Variants in KIAA0586 observed in about 807,000 individuals in gnomAD.
KIAA0586 encodes protein TALPID3.
In KIAA0586, 144 loss-of-function variants were observed where a neutral mutation model predicts 169.8. The ratio of observed to expected loss-of-function variants is 0.85; its 90% CI spans 0.74 to 0.97. KIAA0586 has a LOEUF of 0.97. Among genes scored for constraint, KIAA0586 ranks in the 50% least tolerant of loss-of-function variants. The probability of loss-of-function intolerance (pLI) is 0.00; values close to 1 mark genes in which losing one functional copy is unlikely to be tolerated. For missense variants in KIAA0586, 1,854 were observed against 1,823.0 expected (o/e 1.02, Z -0.31); for synonymous variants, 625 against 612.4 (o/e 1.02, Z -0.30).
intron 20 of KIAA0586, among the ~76,000 whole-genome samples, chr14:58,482,167 C>T (rs1461410017): frequency 1.3e-5 from 2 of 151,780 alleles, no homozygotes; most frequent in Admixed American, 6.6e-5. Context: ...GGCTGTCGCC[C>T]GTAATACCAG....
chr14:58,533,672 C>T (rs1165742055), intron 29 of KIAA0586, among the ~76,000 whole-genome samples: 1 of 152,190 alleles, frequency 6.6e-6, no homozygotes, highest in East Asian at 1.9e-4. Flanking sequence ...TATCAAAGCA[C>T]TGCTGCGATG....
At chr14:58,556,432 A>T in the KIAA0586 span, among the ~76,000 whole-genome samples, 8 of 152,244 alleles carry the variant, frequency 5.3e-5, no homozygotes, top group African/African-American at 1.9e-4. Context: ...TATAATTTAT[A>T]TAGTGAAGTA....
At chr14:58,479,541 T>G (rs564126541) in intron 20 of KIAA0586, among the ~76,000 whole-genome samples, 1 of 152,272 alleles carries the variant, frequency 6.6e-6, no homozygotes, top group African/African-American at 2.4e-5. Context: ...ATTTATCAGG[T>G]TTTTTCTAGT....
intron 29 of KIAA0586, chr14:58,539,797 T>G (rs1033876589): frequency 3.9e-6 from 1 of 258,890 alleles, no homozygotes; most frequent in African/African-American, 2.2e-5. Context: ...TGATACAAAT[T>G]TCAGATTTTC....
rs371365932 is a variant in KIAA0586, at chr14:58,450,701, A to C, written c.1084A>C (p.Asn362His). 5 of 1,609,168 alleles carry C rather than the reference A, an allele frequency of 3.1e-6. No individual in the cohort carries two copies. Among genetic ancestry groups the C allele is most frequent in the Non-Finnish European group, 4.3e-6 (5 of 1,175,746 alleles). The change falls in exon 8 of 31, where the codon AAT becomes CAT. Residue 362 changes from asparagine to histidine, a missense_variant. Transcript: ENST00000652326. ...GGATGATGAACTATCAAAGAGGGAA[A>C]ATCTTTTGGAAGAAAAAGAAAATAT... Reference protein sequence around the residue: ...SRDDELSKRENLLEEKENMEV... With the variant: ...SRDDELSKREHLLEEKENMEV...
chr14:58,508,914 A>G (rs2044192926), intron 28 of KIAA0586, among the ~76,000 whole-genome samples: 2 of 152,126 alleles, frequency 1.3e-5, no homozygotes, highest in Admixed American at 1.3e-4. Context: ...TTTAAGCCTT[A>G]ATTCCCTATC....
intron 26 of KIAA0586, among the ~76,000 whole-genome samples, chr14:58,494,162 T>C (rs1284398408): frequency 2.0e-5 from 3 of 151,908 alleles, no homozygotes; most frequent in Non-Finnish European, 4.4e-5. Context: ...TTCCAGATAT[T>C]GACACTTCTA....
intron 21 of KIAA0586, among the ~76,000 whole-genome samples, chr14:58,483,453 A>C (rs560406250): frequency 6.6e-6 from 1 of 152,186 alleles, no homozygotes; most frequent in African/African-American, 2.4e-5. Context: ...GCTTTCTTAC[A>C]TAACCAGAAT....
intron 1 of KIAA0586, among the ~76,000 whole-genome samples, chr14:58,428,814 C>G (rs1368824293): frequency 3.3e-5 from 5 of 151,872 alleles, no homozygotes; most frequent in African/African-American, 1.2e-4. Flanking sequence ...ACCTAATTCA[C>G]TACTTTCTTT....
rs913398452 is a variant in KIAA0586, at chr14:58,448,330, T to C, written c.808-10T>C. ...ATTTGAAAATAATAAAATAATCTTA[T>C]TTCTTCTAGACTCATTTTATTAGTG... On this transcript the variant is annotated splice_polypyrimidine_tract_variant and intron_variant, in intron 6 of 30. Transcript: ENST00000652326. 1.3e-6 allele frequency: 2 copies of C among 1,494,970 alleles called. No homozygotes were observed. The highest frequency in any genetic ancestry group is 1.8e-6 in the Non-Finnish European group (2 of 1,096,216). The allele number at this position is 1,494,970 out of a possible 1,614,324, so 92.6% of individuals were successfully genotyped here.
chr14:58,531,614 A>C (rs2045973245), intron 29 of KIAA0586, among the ~76,000 whole-genome samples: 1 of 152,218 alleles, frequency 6.6e-6, no homozygotes, highest in Non-Finnish European at 1.5e-5. Context: ...CCATTGTAGA[A>C]GACATTGTGG....
At chr14:58,538,251 A>G (rs1457395319) in intron 29 of KIAA0586, among the ~76,000 whole-genome samples, 2 of 152,186 alleles carry the variant, frequency 1.3e-5, no homozygotes, top group Admixed American at 1.3e-4. Flanking sequence ...ATTTGTCCAC[A>G]CTCTTGTCCT....
chr14:58,443,497 A>G (rs971623740), intron 5 of KIAA0586, among the ~76,000 whole-genome samples: 2 of 152,208 alleles, frequency 1.3e-5, no homozygotes, highest in Admixed American at 6.5e-5. Context: ...ATCTCAGCTC[A>G]CTGCAACCTC....
downstream of KIAA0586, among the ~76,000 whole-genome samples, chr14:58,551,678 A>G (rs35332690): frequency 2.6e-5 from 4 of 152,122 alleles, no homozygotes; most frequent in African/African-American, 7.2e-5. Context: ...AGACAGGAGA[A>G]TTGCTTGAAC....
chr14:58,487,971 C>A lies in KIAA0586; in HGVS notation c.3389C>A (p.Thr1130Asn). ...TTPPPAAAVF[T>N]PTLSDISIDK... ...CCTCCTCCAGCGGCGGCAGTTTTTA[C>A]CCCAACTTTGTCAGATATTTCCATT... The change falls in exon 23 of 31, where the codon ACC becomes AAC. Residue 1130 changes from threonine to asparagine, a missense_variant. By Grantham distance (65) the Thr-to-Asn change is moderately conservative. Transcript: ENST00000652326. The A allele has an allele frequency of 6.2e-7, 1 of 1,613,620 alleles. No individual in the cohort carries two copies. Among genetic ancestry groups the A allele is most frequent in the Non-Finnish European group, 8.5e-7 (1 of 1,179,754 alleles).
chr14:58,530,937 A>G (rs1458144272), intron 29 of KIAA0586, among the ~76,000 whole-genome samples: 2 of 152,184 alleles, frequency 1.3e-5, no homozygotes, highest in Non-Finnish European at 2.9e-5. Context: ...TTTGCAATCT[A>G]TCCATCTGAC....
chr14:58,476,443 C>A (rs1236777018), intron 19 of KIAA0586, among the ~76,000 whole-genome samples: 1 of 152,004 alleles, frequency 6.6e-6, no homozygotes, highest in Non-Finnish European at 1.5e-5. Context: ...AGCTGGACAT[C>A]TTTTCTAGCT....
Position 58,477,192 on chromosome 14 carries a change from T to G in KIAA0586, c.2895T>G (p.Ser965Arg). Reference protein sequence around the residue: ...LFPVQQQIAPSISVSVSETSE... With the variant: ...LFPVQQQIAPRISVSVSETSE... ...CAGTCCAGCAACAGATTGCACCTAGTATCAGTGTTTCAGTCAGTGAGACAA... is the reference window on the plus strand; with the variant it reads ...CAGTCCAGCAACAGATTGCACCTAGGATCAGTGTTTCAGTCAGTGAGACAA... The change falls in exon 20 of 31, where the codon AGT becomes AGG. Residue 965 changes from serine to arginine, a missense_variant. Physicochemically the swap from Ser to Arg is moderately radical, Grantham distance 110. Transcript: ENST00000652326. The G allele has an allele frequency of 6.3e-7, 1 of 1,583,176 alleles. No homozygotes were observed. Among genetic ancestry groups the G allele is most frequent in the Non-Finnish European group, 8.6e-7 (1 of 1,162,452 alleles).
rs2042496265 is a variant in KIAA0586, at chr14:58,487,017, G to A, written c.3155G>A (p.Cys1052Tyr). 1.2e-6 allele frequency: 2 copies of A among 1,604,812 alleles called. No homozygotes were observed. Among genetic ancestry groups the A allele is most frequent in the East Asian group, 2.2e-5 (1 of 44,808 alleles). ...TNETYLPARV[C>Y]TPLPTPQPTP... Reference sequence around the variant, plus strand: ...TTTTATTTATTTTAGGCAAGAGTGTGCACCCCACTGCCTACCCCACAGCCT... The same window carrying A: ...TTTTATTTATTTTAGGCAAGAGTGTACACCCCACTGCCTACCCCACAGCCT... The change falls in exon 22 of 31, where the codon TGC becomes TAC. Residue 1052 changes from cysteine to tyrosine, a missense_variant. Physicochemically the swap from Cys to Tyr is radical, Grantham distance 194. Transcript: ENST00000652326.
Sources: gnomAD v4.1 joint callset for allele counts (sites outside exome capture counted in the v4.1 genomes callset) on GRCh38, gnomAD v4.1.1 for gene constraint, MANE v1.5 for transcripts, NCBI Gene and HGNC (gene_info 2026-07-23, HGNC 2026-07-21) for gene names.